TLK2: variants seen among roughly 807,000 people sequenced by gnomAD.
TLK2 encodes serine/threonine-protein kinase tousled-like 2.
A neutral mutation model predicts 117.3 loss-of-function variants in TLK2; 6 were observed. That is an observed-to-expected ratio of 0.05 (90% CI 0.03 to 0.10). TLK2 has a LOEUF of 0.10. Ranked by LOEUF, TLK2 falls within the 10% of genes least tolerant of loss-of-function variation. The pLI is 1.00. For synonymous variants in TLK2, 257 were observed against 316.7 expected (o/e 0.81, Z 2.00); for missense variants, 299 against 901.2 (o/e 0.33, Z 8.56).
intron 2 of TLK2, among the ~76,000 whole-genome samples, chr17:62,482,636 AG>A (rs1446517375): frequency 1.3e-5 from 2 of 151,564 alleles, no homozygotes; most frequent in Non-Finnish European, 2.9e-5. Flanking sequence ...TTTTTAGTAG[AG>A]ACAGGGTTTC....
intron 16 of TLK2, among the ~76,000 whole-genome samples, chr17:62,595,750 G>A (rs190523499): frequency 2.6e-5 from 4 of 152,182 alleles, no homozygotes; most frequent in Admixed American, 2.0e-4. Context: ...ATAAAGTAAA[G>A]CTAATAGCAC....
At chr17:62,569,718 C>G (rs943298879) in intron 11 of TLK2, among the ~76,000 whole-genome samples, 2 of 152,032 alleles carry the variant, frequency 1.3e-5, no homozygotes, top group Non-Finnish European at 2.9e-5. Context: ...TGAGCCACCG[C>G]GCCCGGCCAC....
At chr17:62,581,305 G>A (rs776419065) in intron 15 of TLK2, among the ~76,000 whole-genome samples, 3 of 152,106 alleles carry the variant, frequency 2.0e-5, no homozygotes, top group Non-Finnish European at 4.4e-5. Context: ...ACCCAGCTGT[G>A]ATTTTATTAA....
chr17:62,607,385 C>T (rs201530326), intron 20 of TLK2, among the ~76,000 whole-genome samples: 13 of 151,752 alleles, frequency 8.6e-5, no homozygotes, highest in African/African-American at 2.9e-4. Flanking sequence ...AAAAATTAGC[C>T]GGGCGTGGTG....
intron 15 of TLK2, among the ~76,000 whole-genome samples, chr17:62,581,527 C>T (rs1023297175): frequency 2.0e-5 from 3 of 151,030 alleles, no homozygotes; most frequent in African/African-American, 4.9e-5. Context: ...CAACCTCCCA[C>T]TCCAGAGCTG....
At chr17:62,477,733 G>C (rs1308432135), upstream of TLK2, 1 of 152,296 alleles carries the variant, frequency 6.6e-6, no homozygotes, top group East Asian at 1.9e-4. Context: ...CTGGCTCAGG[G>C]GCGCCGGTGA....
At chr17:62,509,850 C>T (rs1229122814) in intron 2 of TLK2, among the ~76,000 whole-genome samples, 2 of 152,226 alleles carry the variant, frequency 1.3e-5, no homozygotes, top group African/African-American at 2.4e-5. Flanking sequence ...TTCCTTCCCT[C>T]TGGAGGACAC....
intron 17 of TLK2, among the ~76,000 whole-genome samples, chr17:62,597,652 C>T (rs1003323094): frequency 6.6e-5 from 10 of 152,180 alleles, no homozygotes; most frequent in Admixed American, 4.6e-4. Flanking sequence ...TGTTGAAATA[C>T]AGGCTCATAG....
intron 7 of TLK2, among the ~76,000 whole-genome samples, chr17:62,540,748 A>G (rs2465444): frequency 0.33 from 49,713 of 151,566 alleles, 8,326 homozygotes; most frequent in Admixed American, 0.39. Context: ...TGCCACTCCA[A>G]CTTAAACCAT....
At chr17:62,478,202 C>G (rs996802170), upstream of TLK2, 1 of 151,892 alleles carries the variant, frequency 6.6e-6, no homozygotes, top group Non-Finnish European at 1.5e-5. Context: ...GCCTCACTAA[C>G]CGGGCGCCTC....
rs1042002119 is a variant in TLK2 at position 62,578,786 on chromosome 17, T to C, written c.1286+212T>C. On this transcript the variant is annotated intron_variant, in intron 14 of 21. Coordinates refer to ENST00000346027, the MANE Select transcript of TLK2 (RefSeq NM_006852.6). ...AATTGTATTAAATTTATATATTAAGTATATATGTGTATACATATAGCATTT... is the reference window on the plus strand; with the variant it reads ...AATTGTATTAAATTTATATATTAAGCATATATGTGTATACATATAGCATTT... 2.0e-5 allele frequency among the ~76,000 whole-genome samples: 3 copies of C among 152,342 alleles called. 1 individual carries two copies. The highest frequency in any genetic ancestry group is 7.2e-5 in the African/African-American group (3 of 41,588).
chr17:62,586,313 G>C lies in TLK2; in HGVS notation c.1460+87G>C, dbSNP rs374180104. 1,505 of 929,020 alleles carry C rather than the reference G, an allele frequency of 1.6e-3. 4 individuals are homozygous for C. Among genetic ancestry groups the C allele is most frequent in the Middle Eastern group, 6.2e-3 (28 of 4,552 alleles). The allele number at this position is 929,020 out of a possible 1,614,324, so 57.5% of individuals were successfully genotyped here. ...TGCTACAAGCTTTACGTGCATTGTT[G>C]TTGGTTTTGTTTTATGTAATCTTCA... On this transcript the variant is annotated intron_variant, in intron 16 of 21. Transcript: ENST00000346027.
intron 2 of TLK2, among the ~76,000 whole-genome samples, chr17:62,510,397 A>G (rs1007833342): frequency 1.2e-4 from 18 of 152,154 alleles, no homozygotes; most frequent in African/African-American, 4.1e-4. Flanking sequence ...TTGCTTCCTA[A>G]TGACTGTGTG....
At chr17:62,526,623 G>A (rs1474952962) in intron 6 of TLK2, among the ~76,000 whole-genome samples, 3 of 152,026 alleles carry the variant, frequency 2.0e-5, no homozygotes, top group African/African-American at 7.2e-5. Context: ...GTCCAAAAAG[G>A]AACTCTTGCT....
chr17:62,480,069 C>T (rs575108332), intron 1 of TLK2, among the ~76,000 whole-genome samples: 3 of 152,350 alleles, frequency 2.0e-5, no homozygotes, highest in Non-Finnish European at 4.4e-5. Context: ...CTTTTCATTC[C>T]CCTTTGCCCC....
intron 8 of TLK2, 64 bp from the exon 9 acceptor site, chr17:62,553,599 A>G: frequency 1.8e-6 from 2 of 1,120,220 alleles, no homozygotes; most frequent in Non-Finnish European, 1.4e-6. Context: ...GGTAATGAGA[A>G]GAGTGTGATG....
chr17:62,572,405 A>G (rs1050670051), intron 11 of TLK2, among the ~76,000 whole-genome samples: 2 of 151,784 alleles, frequency 1.3e-5, no homozygotes, highest in African/African-American at 2.4e-5. Flanking sequence ...GGTAGGATAC[A>G]TGAGAGAAAG....
intron 2 of TLK2, among the ~76,000 whole-genome samples, chr17:62,514,083 T>C (rs2145334253): frequency 6.6e-6 from 1 of 152,268 alleles, no homozygotes; most frequent in African/African-American, 2.4e-5. Context: ...GAGGATTGTG[T>C]TTAAAAAAAG....
rs576204683 is a variant in TLK2 at position 62,483,271 on chromosome 17, T to A, written c.81+2065T>A. 9.2e-5 allele frequency among the ~76,000 whole-genome samples: 14 copies of A among 151,970 alleles called. 1 individual carries two copies. In the South Asian group the frequency reaches 2.9e-3, roughly 32 times the overall value. ...AGCTCACTGATCTTTGGATTAGGGT[T>A]GTTGTTCTGTTTTTAGGTTCGTGAT... On this transcript the variant is annotated intron_variant, in intron 2 of 21. Coordinates refer to ENST00000346027, the MANE Select transcript of TLK2 (RefSeq NM_006852.6).
Sources: allele counts gnomAD v4.1 joint callset (sites outside exome capture counted in the v4.1 genomes callset), GRCh38; gene constraint gnomAD v4.1.1; transcripts MANE v1.5; gene names NCBI Gene and HGNC (gene_info 2026-07-23, HGNC 2026-07-21).